The following CTNND2 variants were observed in gnomAD, a reference collection of about 807,000 sequenced individuals.
CTNND2 encodes the protein catenin delta-2.
CTNND2 carries 22 observed loss-of-function variants against 144.4 expected under a neutral mutation model. That is an observed-to-expected ratio of 0.15 (90% CI 0.11 to 0.22). CTNND2 has a LOEUF of 0.22. Ranked by LOEUF, CTNND2 falls within the 10% of genes least tolerant of loss-of-function variation. The pLI, the probability that CTNND2 is intolerant of heterozygous loss-of-function variation, is 1.00. For synonymous variants in CTNND2, 751 were observed against 695.6 expected (o/e 1.08, Z -1.25); for missense variants, 1,353 against 1,618.8 (o/e 0.84, Z 2.82).
chr5:11,048,443 C>A lies in CTNND2; in HGVS notation c.2789-25464G>T, dbSNP rs565806040. 3.3e-5 allele frequency among the ~76,000 whole-genome samples: 5 copies of A among 152,302 alleles called. No individual in the cohort carries two copies. The South Asian group carries it at 1.0e-3, about 32-fold the overall frequency. ...TGCATGCATATATTTTTAGGTACTG[C>A]ATTTAGTTGCCTGGGAAACAGCAGG... is the stretch of plus-strand genomic sequence containing the variant. On this transcript the variant is annotated intron_variant, in intron 16 of 21. Transcript: ENST00000304623.
At chr5:11,395,874 T>C (rs1034507363) in intron 6 of CTNND2, among the ~76,000 whole-genome samples, 2 of 152,190 alleles carry the variant, frequency 1.3e-5, no homozygotes, top group Admixed American at 1.3e-4. Context: ...TGCACCAGGC[T>C]GTTAACCCTC....
chr5:11,232,535 A>G (rs1312323176), intron 10 of CTNND2, among the ~76,000 whole-genome samples: 1 of 152,220 alleles, frequency 6.6e-6, no homozygotes, highest in Non-Finnish European at 1.5e-5. Context: ...TGGGGCCTGT[A>G]GCCCCCTTGT....
In CTNND2 at chr5:11,389,392, A is replaced by T. The variant is rs11960082; in HGVS notation, c.613-4163T>A. On this transcript the variant is annotated intron_variant, in intron 6 of 21. Transcript: ENST00000304623. ...TTTTCAAGAAAAATATGGAACATTA[A>T]CTCATCAAAGCTATTACAAATTATT... Among the ~76,000 whole-genome samples, 78 of 152,270 alleles carry T rather than the reference A, an allele frequency of 5.1e-4. 1 individual carries two copies. In the South Asian group the frequency reaches 0.015, roughly 30 times the overall value.
chr5:11,191,667 C>G (rs561906211), intron 11 of CTNND2, among the ~76,000 whole-genome samples: 4 of 152,196 alleles, frequency 2.6e-5, no homozygotes, highest in Non-Finnish European at 5.9e-5. Context: ...GCACGTACCC[C>G]CTGCTGCTGC....
At position 11,236,879 on chromosome 5, in the gene CTNND2, T is replaced by G. The variant is rs545855309; in HGVS notation, c.1629-56A>C. The G allele has an allele frequency of 9.9e-5, 157 of 1,579,432 alleles. No individual in the cohort carries two copies. In the African/African-American group the frequency reaches 1.5e-3, roughly 15 times the overall value. On this transcript the variant is annotated intron_variant, in intron 9 of 21. Transcript: ENST00000304623. ...TGAGAGAGAAATCCTACCACACTGT[T>G]AACACATGGTTAGCTCGTGTATGAA...
At chr5:11,591,410 T>G (rs1779232435) in intron 2 of CTNND2, among the ~76,000 whole-genome samples, 1 of 152,212 alleles carries the variant, frequency 6.6e-6, no homozygotes, top group Non-Finnish European at 1.5e-5. Context: ...ACCCATACAT[T>G]AGCTCCTAGT....
intron 3 of CTNND2, among the ~76,000 whole-genome samples, chr5:11,555,348 T>C (rs187885095): frequency 9.2e-5 from 14 of 152,160 alleles, no homozygotes; most frequent in African/African-American, 3.4e-4. Flanking sequence ...GATTAGGAGA[T>C]CAAAGAAAAC....
chr5:11,778,669 T>C (rs546170926), intron 1 of CTNND2, among the ~76,000 whole-genome samples: 26 of 152,242 alleles, frequency 1.7e-4, no homozygotes, highest in African/African-American at 5.5e-4. Flanking sequence ...CGAAGGATCC[T>C]AGAGAGACCT....
intron 16 of CTNND2, among the ~76,000 whole-genome samples, chr5:11,073,310 C>T (rs1344001082): frequency 6.6e-6 from 1 of 152,154 alleles, no homozygotes; most frequent in Non-Finnish European, 1.5e-5. Context: ...TTGAGGAGAG[C>T]CATTTCATTT....
intron 2 of CTNND2, among the ~76,000 whole-genome samples, chr5:11,582,614 T>C (rs975961980): frequency 5.3e-5 from 8 of 152,148 alleles, no homozygotes; most frequent in Non-Finnish European, 1.2e-4. Flanking sequence ...AAATTGTGAC[T>C]ATCCACCTTT....
intron 3 of CTNND2, among the ~76,000 whole-genome samples, chr5:11,544,643 G>T (rs1161784646): frequency 6.6e-6 from 1 of 152,200 alleles, no homozygotes; most frequent in Non-Finnish European, 1.5e-5. Flanking sequence ...TACTAAAACT[G>T]AATCATTCTT....
chr5:11,030,536 G>A (rs925486217), intron 16 of CTNND2, among the ~76,000 whole-genome samples: 1 of 151,760 alleles, frequency 6.6e-6, no homozygotes, highest in African/African-American at 2.4e-5. Context: ...CATTTCTTTA[G>A]TGAATTTTTC....
intron 2 of CTNND2, among the ~76,000 whole-genome samples, chr5:11,631,916 A>G (rs901064483): frequency 6.6e-6 from 1 of 152,158 alleles, no homozygotes; most frequent in African/African-American, 2.4e-5. Flanking sequence ...CCTCCAGAGA[A>G]GTGGTATAAA....
intron 2 of CTNND2, among the ~76,000 whole-genome samples, chr5:11,683,485 T>A (rs1375771111): frequency 6.6e-6 from 1 of 152,226 alleles, no homozygotes; most frequent in Non-Finnish European, 1.5e-5. Flanking sequence ...TGATTTCTTT[T>A]TCCGAAATAC....
chr5:11,096,751 A>G (rs1239819263), intron 15 of CTNND2, among the ~76,000 whole-genome samples: 3 of 152,114 alleles, frequency 2.0e-5, no homozygotes, highest in Admixed American at 6.6e-5. Context: ...ATAAAAATAA[A>G]GGAAGAGAGA....
chr5:11,220,638 G>A (rs918422650), intron 10 of CTNND2, among the ~76,000 whole-genome samples: 1 of 152,106 alleles, frequency 6.6e-6, no homozygotes, highest in Non-Finnish European at 1.5e-5. Flanking sequence ...ACTGTGCAGC[G>A]AACATACCCT....
At chr5:11,230,383 C>G (rs921116703) in intron 10 of CTNND2, among the ~76,000 whole-genome samples, 22 of 139,244 alleles carry the variant, frequency 1.6e-4, no homozygotes, top group African/African-American at 5.6e-4. Flanking sequence ...AAAAAATCCG[C>G]AAAAGTTAGC....
intron 9 of CTNND2, among the ~76,000 whole-genome samples, chr5:11,268,362 C>G (rs1745662504): frequency 1.3e-5 from 2 of 152,140 alleles, no homozygotes; most frequent in Non-Finnish European, 2.9e-5. Flanking sequence ...GTGGGCAGAT[C>G]ACTTGAGGCC....
chr5:11,544,866 C>T (rs1477389094), intron 3 of CTNND2, among the ~76,000 whole-genome samples: 1 of 152,084 alleles, frequency 6.6e-6, no homozygotes, highest in Non-Finnish European at 1.5e-5. Context: ...CGCCTGAAAT[C>T]CCAGCACTTT....
Sources: allele counts gnomAD v4.1 joint callset (sites outside exome capture counted in the v4.1 genomes callset), GRCh38; gene constraint gnomAD v4.1.1; transcripts MANE v1.5; gene names NCBI Gene and HGNC (gene_info 2026-07-23, HGNC 2026-07-21).